Variants in PLEKHA1 observed in about 807,000 individuals in gnomAD.
PLEKHA1 encodes the protein pleckstrin homology domain-containing family A member 1.
In PLEKHA1, 34 loss-of-function variants were observed where a neutral mutation model predicts 52.0. That is an observed-to-expected ratio of 0.65 (90% confidence interval 0.50 to 0.87). The LOEUF is 0.87. Ranked by LOEUF, PLEKHA1 falls within the 40% of genes least tolerant of loss-of-function variation. PLEKHA1 has a pLI of 0.00. For missense variants in PLEKHA1, 497 were observed against 504.2 expected (o/e 0.99, Z 0.14); for synonymous variants, 163 against 170.7 (o/e 0.95, Z 0.35).
At chr10:122,417,660 A>AC (rs1488518553) in intron 7 of PLEKHA1, among the ~76,000 whole-genome samples, 1 of 151,766 alleles carries the variant, frequency 6.6e-6, no homozygotes, top group African/African-American at 2.4e-5. Context: ...AAAAAAAAAA[A>AC]AAACACATAA....
Position 122,406,572 on chromosome 10 carries a change from A to G in PLEKHA1, c.245-4A>G. 1.2e-6 allele frequency: 2 copies of G among 1,605,770 alleles called. No homozygotes were observed. The highest frequency in any genetic ancestry group is 1.7e-6 in the Non-Finnish European group (2 of 1,172,946). Reference sequence around the variant, plus strand: ...TTTGGTGTGTTATTTTTTTCTGTCAACAGTTATGAATGCAGGAATGAGGAA... The same window carrying G: ...TTTGGTGTGTTATTTTTTTCTGTCAGCAGTTATGAATGCAGGAATGAGGAA... On this transcript the variant is annotated splice_polypyrimidine_tract_variant and splice_region_variant and intron_variant, in intron 4 of 11. Transcript: ENST00000368990.
At chr10:122,383,261 C>G (rs1033606252) in intron 1 of PLEKHA1, among the ~76,000 whole-genome samples, 3 of 151,880 alleles carry the variant, frequency 2.0e-5, no homozygotes, top group Non-Finnish European at 4.4e-5. Context: ...GAAACAAATC[C>G]CAGATAACAT....
chr10:122,398,342 G>T (rs11200609), intron 3 of PLEKHA1, among the ~76,000 whole-genome samples: 2 of 151,650 alleles, frequency 1.3e-5, no homozygotes, highest in African/African-American at 4.8e-5. Flanking sequence ...CATTGTCTTT[G>T]ATACTTTGTT....
At chr10:122,384,388 C>G (rs1260010717) in intron 1 of PLEKHA1, among the ~76,000 whole-genome samples, 2 of 151,964 alleles carry the variant, frequency 1.3e-5, no homozygotes, top group African/African-American at 4.8e-5. Context: ...ATGGGCGGAT[C>G]ACGTGGTCAG....
At chr10:122,397,299 C>G (rs76419497) in intron 2 of PLEKHA1, among the ~76,000 whole-genome samples, 2,079 of 152,132 alleles carry the variant, frequency 0.014, 36 homozygotes, top group African/African-American at 0.047. Flanking sequence ...CTATGTTTAC[C>G]TTTAGCTCTT....
In PLEKHA1 at chr10:122,424,193, T is replaced by TTTTTTCA; in HGVS notation, c.682-6_682-5insTTTTTCA. On this transcript the variant is annotated splice_polypyrimidine_tract_variant and splice_region_variant and intron_variant, in intron 8 of 11. Coordinates refer to ENST00000368990, the MANE Select transcript of PLEKHA1 (RefSeq NM_001001974.4). ...ACTGTTTTTTTTTTTTTTTTTTTTTTGCCAGGAAAAGGAACCTCTTCGTGT... is the reference window on the plus strand; with the variant it reads ...ACTGTTTTTTTTTTTTTTTTTTTTTTTTTTTCAGCCAGGAAAAGGAACCTCTTCGTGT... 6.5e-7 allele frequency: 1 copy of TTTTTTCA among 1,536,106 alleles called. No homozygotes were observed. The highest frequency in any genetic ancestry group is 8.7e-7 in the Non-Finnish European group (1 of 1,147,704).
At chr10:122,401,354 A>T (rs1190574680) in intron 4 of PLEKHA1, among the ~76,000 whole-genome samples, 1 of 152,110 alleles carries the variant, frequency 6.6e-6, no homozygotes, top group Non-Finnish European at 1.5e-5. Flanking sequence ...TATGCATAGG[A>T]AAGTTTTGAT....
intron 6 of PLEKHA1, among the ~76,000 whole-genome samples, chr10:122,413,653 T>G (rs1452209001): frequency 6.6e-6 from 1 of 152,098 alleles, no homozygotes; most frequent in Non-Finnish European, 1.5e-5. Context: ...CTAAATTAAG[T>G]CTTTATTTGA....
the PLEKHA1 span, chr10:122,438,092 C>G: frequency 6.6e-6 from 1 of 152,010 alleles, no homozygotes; most frequent in Non-Finnish European, 1.5e-5. Context: ...CCCATTTCTA[C>G]AAAAAATACA....
At chr10:122,395,149 A>G (rs891297615) in intron 2 of PLEKHA1, among the ~76,000 whole-genome samples, 3 of 152,178 alleles carry the variant, frequency 2.0e-5, no homozygotes, top group Non-Finnish European at 4.4e-5. Context: ...AAGAGAGCCT[A>G]TGGCGTGTTT....
intron 1 of PLEKHA1, among the ~76,000 whole-genome samples, chr10:122,377,309 C>T (rs983640034): frequency 6.6e-6 from 1 of 152,096 alleles, no homozygotes; most frequent in Non-Finnish European, 1.5e-5. Context: ...CTATTTGATT[C>T]CAACTGTGAG....
In PLEKHA1 at chr10:122,407,671, CTT is replaced by C. The variant is rs145698416; in HGVS notation, c.342+1001_342+1002del. Among the ~76,000 whole-genome samples the C allele has an allele frequency of 8.1e-3, 1,239 of 152,302 alleles. 22 individuals are homozygous for C. The highest frequency in any genetic ancestry group is 0.027 in the African/African-American group (1,143 of 41,570). ...ACCTTGCCTCACCTTTCCCTTTACA[CTT>C]TTGTAGAGAAATACATAGCAGGCCT... On this transcript the variant is annotated intron_variant, in intron 5 of 11. Transcript: ENST00000368990.
chr10:122,426,265 G>A lies in PLEKHA1; in HGVS notation c.811-677G>A, dbSNP rs544179002. On this transcript the variant is annotated intron_variant, in intron 10 of 11. Transcript: ENST00000368990. ...TGTATTTCCATTAGTAATGAATGAA[G>A]TATACTCTACCTTTGGCTACTTGTA... 9.3e-5 allele frequency among the ~76,000 whole-genome samples: 14 copies of A among 151,088 alleles called. 1 individual carries two copies. The highest frequency in any genetic ancestry group is 1.6e-4 in the Non-Finnish European group (11 of 67,806).
intron 7 of PLEKHA1, among the ~76,000 whole-genome samples, chr10:122,416,399 T>G (rs2133197995): frequency 6.6e-6 from 1 of 152,328 alleles, no homozygotes; most frequent in Non-Finnish European, 1.5e-5. Context: ...TGTTTAGGCA[T>G]TGGCCTGACC....
intron 8 of PLEKHA1, 26 bp from the exon 9 acceptor site, chr10:122,424,173 T>TG (rs1554936700): frequency 2.0e-6 from 2 of 992,538 alleles, no homozygotes; most frequent in African/African-American, 2.8e-5. Context: ...ATGTAACTGT[T>TG]TTTTTTTTTT....
chr10:122,429,524 GTGTGTGTT>G, intron 11 of PLEKHA1, 92 bp from the exon 12 acceptor site: 1 of 882,310 alleles, frequency 1.1e-6, no homozygotes, highest in African/African-American at 1.7e-5. Context: ...GTGTGTGTGT[GTGTGTGTT>G]TTATTTGTTT....
intron 5 of PLEKHA1, chr10:122,412,607 C>A: frequency 3.7e-6 from 1 of 269,878 alleles, no homozygotes; most frequent in Non-Finnish European, 7.1e-6. Flanking sequence ...CCCTAATGCC[C>A]CTGAGCCTAT....
intron 6 of PLEKHA1, among the ~76,000 whole-genome samples, chr10:122,414,575 CAT>C: frequency 6.6e-6 from 1 of 152,022 alleles, no homozygotes; most frequent in East Asian, 1.9e-4. Context: ...TTATCTAGAA[CAT>C]AGAAAGAACT....
Position 122,429,739 on chromosome 10 carries a change from T to C in PLEKHA1, c.1016T>C (p.Met339Thr). Residue 339 changes from methionine to threonine, a missense_variant, in exon 12 of 12, where the codon ATG becomes ACG. Transcript: ENST00000368990. Reference protein sequence around the residue: ...RSNSLVSTFTMEKRGFYESLA... With the variant: ...RSNSLVSTFTTEKRGFYESLA... ...AACTCTTTGGTCTCAACCTTTACCA[T>C]GGAGAAGCGAGGATTTTACGAGTCT... 6.2e-7 allele frequency: 1 copy of C among 1,614,144 alleles called. No homozygotes were observed. Among genetic ancestry groups the C allele is most frequent in the Non-Finnish European group, 8.5e-7 (1 of 1,180,032 alleles).
Sources: allele counts gnomAD v4.1 joint callset (sites outside exome capture counted in the v4.1 genomes callset), GRCh38; gene constraint gnomAD v4.1.1; transcripts MANE v1.5; gene names NCBI Gene and HGNC (gene_info 2026-07-23, HGNC 2026-07-21).